The following CDHR2 variants were observed in gnomAD, a reference collection of about 807,000 sequenced individuals.
CDHR2 encodes cadherin related family member 2.
In CDHR2, 104 loss-of-function variants were observed where a neutral mutation model predicts 138.6. The ratio of observed to expected loss-of-function variants is 0.75; its 90% confidence interval spans 0.64 to 0.88. The LOEUF is 0.88. Among genes scored for constraint, CDHR2 ranks in the 40% least tolerant of loss-of-function variants. The probability of loss-of-function intolerance (pLI) is 0.00; values close to 1 mark genes in which losing one functional copy is unlikely to be tolerated. For missense variants in CDHR2, 1,624 were observed against 1,727.6 expected (o/e 0.94, Z 1.06); for synonymous variants, 755 against 742.8 (o/e 1.02, Z -0.27).
At chr5:176,551,724 CAG>C (rs1757708908) in intron 1 of CDHR2, among the ~76,000 whole-genome samples, 1 of 90,192 alleles carries the variant, frequency 1.1e-5, no homozygotes, top group African/African-American at 4.0e-5. Context: ...TTTTTTGAGA[CAG>C]AGTCTCGCTC....
chr5:176,580,528 C>CA (rs35346478), intron 16 of CDHR2, among the ~76,000 whole-genome samples: 31,764 of 87,098 alleles, frequency 0.36, 4,250 homozygotes, highest in East Asian at 0.55. Context: ...GACTCCACCT[C>CA]AAAAAAAAAA....
chr5:176,584,803 A>AG lies in CDHR2; in HGVS notation c.2523dup (p.Leu842AlafsTer47). The AG allele has an allele frequency of 6.2e-7, 1 of 1,614,190 alleles. No homozygotes were observed. On this transcript the variant is annotated frameshift_variant, in exon 19 of 32. Coordinates refer to ENST00000261944, the MANE Select transcript of CDHR2 (RefSeq NM_017675.6). LOFTEE classifies it high-confidence loss of function. ...GCCTCGGATGTGGACACCAGTGCCC[A>AG]GCTGGAGATACAGCTTGTGAACATT...
chr5:176,573,361 T>A (rs540377682), intron 6 of CDHR2, among the ~76,000 whole-genome samples: 1 of 152,192 alleles, frequency 6.6e-6, no homozygotes, highest in African/African-American at 2.4e-5. Flanking sequence ...AGGTCGTGGC[T>A]GGGCACGGTG....
chr5:176,550,416 C>T (rs1439728023), intron 1 of CDHR2, among the ~76,000 whole-genome samples: 6 of 152,186 alleles, frequency 3.9e-5, no homozygotes, highest in Non-Finnish European at 5.9e-5. Flanking sequence ...ATCCTTGCTC[C>T]GGGCACCCAG....
At chr5:176,593,735 A>C (rs1353078887) in intron 31 of CDHR2, among the ~76,000 whole-genome samples, 1 of 152,102 alleles carries the variant, frequency 6.6e-6, no homozygotes, top group Non-Finnish European at 1.5e-5. Context: ...CATGGTTCAG[A>C]ATTTGTTTTC....
chr5:176,574,054 G>C (rs1338503005), intron 6 of CDHR2, 29 bp from the exon 7 acceptor site: 2 of 1,567,216 alleles, frequency 1.3e-6, no homozygotes, highest in African/African-American at 2.7e-5. Flanking sequence ...CTGGATTTGA[G>C]CTCATAGGTG....
At position 176,575,379 on chromosome 5, in the gene CDHR2, T is replaced by G; in HGVS notation, c.721T>G (p.Phe241Val). ...VVDQPDLDPQ[F>V]VREFYSASVA... The stretch of plus-strand genomic sequence containing the variant: ...GGACCAGCCTGACCTTGACCCCCAG[T>G]TTGTCAGGGAGTTTTACTCGGCCTC... The change falls in exon 9 of 32, where the codon TTT (phenylalanine) becomes GTT (valine). Residue 241 changes from phenylalanine (F) to valine (V), a missense_variant. Physicochemically the swap from Phe to Val is conservative, Grantham distance 50. This residue lies in a region of CDHR2 where 1,061 missense variants were observed against 1,136.6 expected (regional missense o/e 0.93). Coordinates refer to ENST00000261944, the MANE Select transcript of CDHR2 (RefSeq NM_017675.6). The G allele has an allele frequency of 6.2e-7, 1 of 1,614,160 alleles. No homozygotes were observed. Among genetic ancestry groups the G allele is most frequent in the South Asian group, 1.1e-5 (1 of 91,076 alleles).
chr5:176,571,430 C>A, intron 6 of CDHR2, 128 bp downstream of exon 6: 2 of 553,886 alleles, frequency 3.6e-6, no homozygotes, highest in South Asian at 3.1e-5. Flanking sequence ...GGGGCAGCTT[C>A]AAGAACCAAA....
At chr5:176,563,297 G>A (rs773051376) in intron 1 of CDHR2, among the ~76,000 whole-genome samples, 2 of 152,128 alleles carry the variant, frequency 1.3e-5, no homozygotes, top group African/African-American at 4.8e-5. Context: ...GCAGTGAGCC[G>A]AGATGGCACC....
chr5:176,569,095 C>T (rs1758159455), intron 5 of CDHR2, 85 bp downstream of exon 5: 1 of 1,226,804 alleles, frequency 8.2e-7, no homozygotes, highest in Non-Finnish European at 1.2e-6. Context: ...GCGGACGGTG[C>T]CCCAGTTAAC....
intron 5 of CDHR2, among the ~76,000 whole-genome samples, chr5:176,569,959 C>CAAAA (rs67181310): frequency 0.018 from 2,486 of 141,606 alleles, 54 homozygotes; most frequent in African/African-American, 0.058. Context: ...GACTCCGTCT[C>CAAAA]AAAAAAAAAA....
intron 17 of CDHR2, among the ~76,000 whole-genome samples, chr5:176,581,918 C>T (rs1758543293): frequency 6.6e-6 from 1 of 152,188 alleles, no homozygotes; most frequent in African/African-American, 2.4e-5. Context: ...CATTGAAAAG[C>T]AAAGGGAAGG....
intron 6 of CDHR2, among the ~76,000 whole-genome samples, chr5:176,572,390 A>AAAATAAATAAATAAAT (rs10527338): frequency 0.18 from 26,534 of 148,332 alleles, 2,716 homozygotes; most frequent in East Asian, 0.41. Context: ...CTCCATCTCA[A>AAAATAAATAAATAAAT]AAATAAATAA....
rs1269708508 is a variant in CDHR2, at chr5:176,581,496, G to A, written c.1972G>A (p.Glu658Lys). 6.2e-7 allele frequency: 1 copy of A among 1,614,154 alleles called. No individual in the cohort carries two copies. Among genetic ancestry groups the A allele is most frequent in the Admixed American group, 1.7e-5 (1 of 60,026 alleles). The change falls in exon 17 of 32, where the codon GAG becomes AAG. Residue 658 changes from glutamate to lysine, a missense_variant. Around this residue, in one of 3 missense-constraint regions of CDHR2, gnomAD observed 1,061 missense variants for 1,136.6 expected, o/e 0.93. Coordinates refer to ENST00000261944, the MANE Select transcript of CDHR2 (RefSeq NM_017675.6). ...LDREAIDPAL[E>K]GRIVLTVLVS... is the part of the protein sequence containing the mutation. ...CAGAGAGGCCATCGACCCCGCCCTGGAGGGCCGCATTGTGCTGACAGTGCT... is the reference window on the plus strand; with the variant it reads ...CAGAGAGGCCATCGACCCCGCCCTGAAGGGCCGCATTGTGCTGACAGTGCT...
chr5:176,557,967 A>G (rs2113264229), intron 1 of CDHR2, among the ~76,000 whole-genome samples: 1 of 152,148 alleles, frequency 6.6e-6, no homozygotes, highest in African/African-American at 2.4e-5. Context: ...TGGCCTCCCA[A>G]AGTGCTGGGA....
intron 16 of CDHR2, among the ~76,000 whole-genome samples, chr5:176,580,467 T>C (rs1054721006): frequency 1.4e-4 from 19 of 140,624 alleles, no homozygotes; most frequent in African/African-American, 4.3e-4. Flanking sequence ...AATTGGAAGC[T>C]GCAGTGAGCT....
At chr5:176,548,900 C>T (rs149813083), upstream of CDHR2, among the ~76,000 whole-genome samples, 270 of 152,278 alleles carry the variant, frequency 1.8e-3, 1 homozygote, top group Middle Eastern at 3.4e-3. Context: ...CAGTCCTCCA[C>T]GAGAACCTCA....
At chr5:176,573,122 G>C (rs1363883885) in intron 6 of CDHR2, among the ~76,000 whole-genome samples, 2 of 152,150 alleles carry the variant, frequency 1.3e-5, no homozygotes, top group Non-Finnish European at 2.9e-5. Context: ...TCCAGGCAGG[G>C]GGAACAACAG....
intron 1 of CDHR2, among the ~76,000 whole-genome samples, chr5:176,561,796 C>T (rs4868650): frequency 0.46 from 69,809 of 151,804 alleles, 16,622 homozygotes; most frequent in Admixed American, 0.54. Context: ...TGTGCCACCT[C>T]GCCCGGCTAA....
Sources: allele counts gnomAD v4.1 joint callset (sites outside exome capture counted in the v4.1 genomes callset), GRCh38; gene constraint gnomAD v4.1.1; regional missense constraint gnomAD v4.1.1; transcripts MANE v1.5; gene names NCBI Gene and HGNC (gene_info 2026-07-23, HGNC 2026-07-21).